NR3C2: variants seen among roughly 807,000 people sequenced by gnomAD.
NR3C2 encodes nuclear receptor subfamily 3 group C member 2.
A neutral mutation model predicts 86.4 loss-of-function variants in NR3C2; 15 were observed. The observed-to-expected ratio is 0.17, with a 90% confidence interval of 0.12 to 0.27. NR3C2 has a LOEUF of 0.27. Ranked by LOEUF, NR3C2 falls within the 10% of genes least tolerant of loss-of-function variation. NR3C2 has a pLI of 1.00. For synonymous variants in NR3C2, 458 were observed against 450.5 expected (o/e 1.02, Z -0.21); for missense variants, 960 against 1,195.6 (o/e 0.80, Z 2.91).
chr4:148,081,638 G>A, intron 8 of NR3C2, 139 bp from the exon 9 acceptor site: 1 of 1,157,430 alleles, frequency 8.6e-7, no homozygotes, highest in South Asian at 1.5e-5. Context: ...TAATTGAGCA[G>A]AGTCATCTGT....
chr4:148,351,049 G>A (rs923132123), intron 2 of NR3C2, among the ~76,000 whole-genome samples: 5 of 151,876 alleles, frequency 3.3e-5, no homozygotes, highest in African/African-American at 1.2e-4. Context: ...CCAGCCTCAA[G>A]TGTCTGTGTT....
intron 3 of NR3C2, among the ~76,000 whole-genome samples, chr4:148,215,819 G>A (rs916915663): frequency 2.9e-5 from 4 of 137,186 alleles, no homozygotes; most frequent in South Asian, 2.3e-4. Flanking sequence ...TTGTTCTGTC[G>A]CCCAGGCCAT....
At chr4:148,178,714 C>T (rs1450388638) in intron 4 of NR3C2, among the ~76,000 whole-genome samples, 1 of 151,446 alleles carries the variant, frequency 6.6e-6, no homozygotes, top group Admixed American at 6.6e-5. Flanking sequence ...TCTATATTCT[C>T]TCAGCCCAAT....
chr4:148,143,900 T>C (rs1733738792), intron 6 of NR3C2, among the ~76,000 whole-genome samples: 1 of 132,478 alleles, frequency 7.5e-6, no homozygotes, highest in Non-Finnish European at 1.5e-5. Flanking sequence ...TGAGCCGAGA[T>C]CGCACCATTG....
At chr4:148,238,782 G>A (rs1246246592) in intron 3 of NR3C2, among the ~76,000 whole-genome samples, 3 of 152,000 alleles carry the variant, frequency 2.0e-5, no homozygotes, top group Non-Finnish European at 4.4e-5. Flanking sequence ...TGCTTTCAGG[G>A]GTCTGGTAGG....
chr4:148,329,385 CT>C (rs1700913696), intron 2 of NR3C2, among the ~76,000 whole-genome samples: 1 of 152,196 alleles, frequency 6.6e-6, no homozygotes, highest in Admixed American at 6.5e-5. Flanking sequence ...ACTTAAGCCC[CT>C]AACTCCTAAT....
At chr4:148,153,319 A>G (rs901176357) in intron 5 of NR3C2, among the ~76,000 whole-genome samples, 2 of 152,312 alleles carry the variant, frequency 1.3e-5, no homozygotes, top group African/African-American at 4.8e-5. Context: ...CTGGGGTTAC[A>G]GGTGCCTGCC....
chr4:148,341,751 AT>A (rs1429960214), intron 2 of NR3C2, among the ~76,000 whole-genome samples: 2 of 152,184 alleles, frequency 1.3e-5, no homozygotes, highest in Admixed American at 1.3e-4. Flanking sequence ...AATAAAAAAA[AT>A]AAAAACAAAC....
intron 6 of NR3C2, among the ~76,000 whole-genome samples, chr4:148,130,035 T>C (rs1732944971): frequency 2.0e-5 from 3 of 152,256 alleles, no homozygotes; most frequent in African/African-American, 7.2e-5. Context: ...TTTGCCTTTT[T>C]GTGTCTTGAA....
chr4:148,378,442 T>A (rs1043893426), intron 2 of NR3C2, among the ~76,000 whole-genome samples: 2 of 151,700 alleles, frequency 1.3e-5, no homozygotes, highest in Non-Finnish European at 2.9e-5. Flanking sequence ...CCCAGCCAAA[T>A]CTCATGTTGA....
chr4:148,445,020 C>T (rs925535008), upstream of NR3C2: 5 of 983,884 alleles, frequency 5.1e-6, no homozygotes, highest in African/African-American at 3.5e-5. Flanking sequence ...CGGGTCACGC[C>T]CTCACGAGCG....
chr4:148,372,160 C>T (rs892026311), intron 2 of NR3C2, among the ~76,000 whole-genome samples: 1 of 152,054 alleles, frequency 6.6e-6, no homozygotes, highest in African/African-American at 2.4e-5. Flanking sequence ...AAAGTAAGTT[C>T]TATTCCTTGG....
intron 4 of NR3C2, among the ~76,000 whole-genome samples, chr4:148,174,012 A>C (rs1028381187): frequency 2.0e-5 from 3 of 152,218 alleles, no homozygotes; most frequent in Non-Finnish European, 2.9e-5. Context: ...GTTGAAAACA[A>C]ACTAGCATTG....
chr4:148,206,383 C>A (rs1023133099), intron 3 of NR3C2, among the ~76,000 whole-genome samples: 3 of 152,166 alleles, frequency 2.0e-5, no homozygotes, highest in Non-Finnish European at 2.9e-5. Context: ...ACCTTCTTGG[C>A]CCCATCATTG....
intron 2 of NR3C2, among the ~76,000 whole-genome samples, chr4:148,318,183 T>C (rs963343805): frequency 2.0e-5 from 3 of 151,786 alleles, no homozygotes; most frequent in African/African-American, 7.3e-5. Flanking sequence ...ATTTCATCCA[T>C]GTCCCTACAA....
intron 8 of NR3C2, among the ~76,000 whole-genome samples, chr4:148,095,406 C>T (rs1240994889): frequency 6.6e-6 from 1 of 152,126 alleles, no homozygotes; most frequent in Non-Finnish European, 1.5e-5. Context: ...GAAAATACAA[C>T]CTTAACAAGG....
At chr4:148,102,552 C>T (rs1470921875) in intron 8 of NR3C2, among the ~76,000 whole-genome samples, 1 of 152,132 alleles carries the variant, frequency 6.6e-6, no homozygotes, top group African/African-American at 2.4e-5. Context: ...TCTCCTCTCT[C>T]AACCTCCCCA....
At chr4:148,380,658 A>C (rs1327389332) in intron 2 of NR3C2, among the ~76,000 whole-genome samples, 1 of 152,190 alleles carries the variant, frequency 6.6e-6, no homozygotes, top group East Asian at 1.9e-4. Flanking sequence ...GTGGTACCTC[A>C]GTGGTCCTGA....
chr4:148,197,286 T>C (rs1399750778), intron 3 of NR3C2, among the ~76,000 whole-genome samples: 2 of 152,268 alleles, frequency 1.3e-5, no homozygotes, highest in Non-Finnish European at 2.9e-5. Flanking sequence ...GCCTTTTGCA[T>C]AGTATGAGAT....
Sources: gnomAD v4.1 joint callset for allele counts (sites outside exome capture counted in the v4.1 genomes callset) on GRCh38, gnomAD v4.1.1 for gene constraint, MANE v1.5 for transcripts, NCBI Gene and HGNC (gene_info 2026-07-23, HGNC 2026-07-21) for gene names.